The following CIB4 variants were observed in gnomAD, a reference collection of about 807,000 sequenced individuals.
The protein encoded by CIB4 is calcium and integrin binding family member 4.
Under a neutral mutation model 25.8 loss-of-function variants are expected in CIB4, and 25 were observed. That is an observed-to-expected ratio of 0.97 (90% confidence interval 0.71 to 1.35). The LOEUF (loss-of-function observed/expected upper bound fraction) is 1.35, where lower values mean the gene tolerates loss of function less well. Among genes scored for constraint, CIB4 ranks in the 40% most tolerant of loss-of-function variants. CIB4 has a pLI of 0.00. For missense variants in CIB4, 235 were observed against 228.2 expected, an observed-to-expected ratio of 1.03 and a Z score of -0.19; for synonymous variants, 75 against 81.4, an observed-to-expected ratio of 0.92 and a Z score of 0.42.
chr2:26,608,371 T>C (rs1426522609), intron 3 of CIB4, among the ~76,000 whole-genome samples: 1 of 152,068 alleles, frequency 6.6e-6, no homozygotes, highest in African/African-American at 2.4e-5. Flanking sequence ...CACTAACACA[T>C]TGGCTGTGTG....
At chr2:26,635,513 C>T (rs2148227891) in intron 2 of CIB4, among the ~76,000 whole-genome samples, 1 of 152,318 alleles carries the variant, frequency 6.6e-6, no homozygotes, top group South Asian at 2.1e-4. Flanking sequence ...CTCTATGACA[C>T]CAATAGGAAA....
chr2:26,633,642 C>T (rs945105769), intron 2 of CIB4, among the ~76,000 whole-genome samples: 1 of 152,180 alleles, frequency 6.6e-6, no homozygotes, highest in Non-Finnish European at 1.5e-5. Flanking sequence ...TCTCCTCCTC[C>T]AAATATGGAT....
At chr2:26,591,835 C>T (rs770220960) in intron 4 of CIB4, among the ~76,000 whole-genome samples, 28 of 152,210 alleles carry the variant, frequency 1.8e-4, no homozygotes, top group African/African-American at 5.3e-4. Context: ...GGGCAGCCTC[C>T]GGCTGAGAGC....
At chr2:26,601,229 A>AT (rs1338707870) in intron 3 of CIB4, among the ~76,000 whole-genome samples, 2 of 25,362 alleles carry the variant, frequency 7.9e-5, no homozygotes, top group Admixed American at 7.1e-4. Flanking sequence ...AAAAAAAAAA[A>AT]AAATATATAT....
intron 3 of CIB4, among the ~76,000 whole-genome samples, chr2:26,628,985 G>A (rs1669361819): frequency 6.6e-6 from 1 of 152,152 alleles, no homozygotes; most frequent in South Asian, 2.1e-4. Flanking sequence ...GGTTAAGTAA[G>A]GAATGAGCAA....
chr2:26,617,158 G>A (rs575428466), intron 3 of CIB4, among the ~76,000 whole-genome samples: 2 of 150,432 alleles, frequency 1.3e-5, no homozygotes, highest in South Asian at 2.1e-4. Flanking sequence ...GCACGTGAGC[G>A]TGGGTGGGCA....
intron 3 of CIB4, among the ~76,000 whole-genome samples, chr2:26,600,297 C>T (rs530836715): frequency 2.7e-5 from 4 of 150,560 alleles, no homozygotes; most frequent in East Asian, 4.0e-4. Context: ...CCCAGCTACT[C>T]GGAGGCTGAG....
chr2:26,596,744 TCTA>T lies in CIB4; in HGVS notation c.187-1430_187-1428del, dbSNP rs1211958000. 2.1e-4 allele frequency among the ~76,000 whole-genome samples: 6 copies of T among 28,996 alleles called. No individual in the cohort carries two copies. In the Admixed American group the frequency reaches 2.8e-3, roughly 14 times the overall value. 19.0% of individuals were successfully genotyped at this position (28,996 alleles called of 152,430 possible). The stretch of plus-strand genomic sequence containing the variant: ...CCTGGGCAAAAAGAGCAAAACTGCA[TCTA>T]AAAAAAAAAAAAAAAGTAAAGCTTA... On this transcript the variant is annotated intron_variant, in intron 3 of 6. Coordinates refer to ENST00000288861, the MANE Select transcript of CIB4 (RefSeq NM_001029881.3).
chr2:26,629,281 G>A, intron 3 of CIB4, 129 bp downstream of exon 3: 1 of 647,804 alleles, frequency 1.5e-6, no homozygotes, highest in South Asian at 1.8e-5. Context: ...AGGATCAGGA[G>A]CCCCTTGGAG....
chr2:26,588,407 A>AGGCG (rs1407798188), intron 4 of CIB4, among the ~76,000 whole-genome samples: 1 of 152,188 alleles, frequency 6.6e-6, no homozygotes, highest in Non-Finnish European at 1.5e-5. Flanking sequence ...TGACCAGCCC[A>AGGCG]GGCGGCCTCT....
At chr2:26,584,838 C>T (rs962820078) in intron 4 of CIB4, among the ~76,000 whole-genome samples, 7 of 152,092 alleles carry the variant, frequency 4.6e-5, no homozygotes, top group East Asian at 1.9e-4. Context: ...GGGGCAGCAC[C>T]GGGACTTCCC....
Position 26,641,265 on chromosome 2 carries a change from T to C in CIB4, c.50A>G (p.Tyr17Cys). The change falls in exon 1 of 7, where the codon TAC (tyrosine) becomes TGC (cysteine). Residue 17 changes from tyrosine (Y) to cysteine (C), a missense_variant. Physicochemically the swap from Tyr to Cys is radical, Grantham distance 194 (BLOSUM62 -2). Transcript: ENST00000288861. ...YQMHWEDLEEYQALTFLTRNE... is the reference protein window; with the variant it reads ...YQMHWEDLEECQALTFLTRNE... ...TCCCTAGCCCGATCTACCCACCTGGTACTCTTCCAGGTCCTCCCAGTGCAT... is the reference window on the plus strand; with the variant it reads ...TCCCTAGCCCGATCTACCCACCTGGCACTCTTCCAGGTCCTCCCAGTGCAT... 1.2e-6 allele frequency: 2 copies of C among 1,611,686 alleles called. No homozygotes were observed. Among genetic ancestry groups the C allele is most frequent in the Non-Finnish European group, 1.7e-6 (2 of 1,177,910 alleles).
intron 3 of CIB4, among the ~76,000 whole-genome samples, chr2:26,612,798 C>T (rs1669021420): frequency 6.6e-6 from 1 of 152,140 alleles, no homozygotes; most frequent in African/African-American, 2.4e-5. Context: ...TGGCTTAAGC[C>T]CTGGGGCAGT....
At position 26,583,932 on chromosome 2, in the gene CIB4, A is replaced by G. The variant is rs1337144079; in HGVS notation, c.329-34T>C. ...AAGAGGCCAGGCCTGCATTAGACGG[A>G]GCTGGGGGCTAAACAGGAAGAGGAC... On this transcript the variant is annotated intron_variant, in intron 4 of 6. Transcript: ENST00000288861. 2.9e-6 allele frequency: 4 copies of G among 1,375,898 alleles called. No homozygotes were observed. In the South Asian group the frequency reaches 4.6e-5, roughly 16 times the overall value. 85.2% of individuals were successfully genotyped at this position (1,375,898 alleles called of 1,614,324 possible).
At chr2:26,633,564 C>T (rs80032291) in intron 2 of CIB4, among the ~76,000 whole-genome samples, 3,188 of 152,254 alleles carry the variant, frequency 0.021, 124 homozygotes, top group African/African-American at 0.073. Context: ...TTGGTGCCTT[C>T]CCAGGCTGCA....
At chr2:26,589,136 T>C (rs969483589) in intron 4 of CIB4, among the ~76,000 whole-genome samples, 45 of 114,640 alleles carry the variant, frequency 3.9e-4, no homozygotes, top group South Asian at 6.3e-4. Context: ...TTCTTCTTCT[T>C]CTTCTCCTTC....
At chr2:26,608,658 G>A (rs1385299250) in intron 3 of CIB4, among the ~76,000 whole-genome samples, 4 of 152,168 alleles carry the variant, frequency 2.6e-5, no homozygotes, top group East Asian at 1.9e-4. Flanking sequence ...CAGGGGTGGC[G>A]ATGCGATGGG....
At chr2:26,639,979 C>G (rs1352093101) in intron 2 of CIB4, among the ~76,000 whole-genome samples, 1 of 152,150 alleles carries the variant, frequency 6.6e-6, no homozygotes, top group Non-Finnish European at 1.5e-5. Flanking sequence ...GCCACCTCCA[C>G]GTTGAATGAA....
At chr2:26,590,107 A>T (rs923041719) in intron 4 of CIB4, among the ~76,000 whole-genome samples, 1 of 151,862 alleles carries the variant, frequency 6.6e-6, no homozygotes, top group African/African-American at 2.4e-5. Flanking sequence ...ACATCACTGA[A>T]TGCAACCCTA....
Sources: gnomAD v4.1 joint callset for allele counts (sites outside exome capture counted in the v4.1 genomes callset) on GRCh38, gnomAD v4.1.1 for gene constraint, MANE v1.5 for transcripts, NCBI Gene and HGNC (gene_info 2026-07-23, HGNC 2026-07-21) for gene names.